Variants in C13orf46 observed in about 807,000 individuals in gnomAD.
C13orf46 encodes the protein uncharacterized protein C13orf46.
chr13:113,943,988 G>A, the C13orf46 span, among the ~76,000 whole-genome samples: 6 of 152,136 alleles, frequency 3.9e-5, no homozygotes, highest in East Asian at 1.9e-4. Flanking sequence ...CCTCTGGCTC[G>A]GGACCTTCAG....
chr13:113,947,072 G>A, the C13orf46 span, among the ~76,000 whole-genome samples: 45 of 152,388 alleles, frequency 3.0e-4, no homozygotes, highest in East Asian at 8.3e-3. Flanking sequence ...GGGGGCTGTC[G>A]TCAGCCTGGC....
Position 113,954,776 on chromosome 13 carries a change from T to G in C13orf46, c.*1997A>C. 1 of 197,810 alleles carries G rather than the reference T, an allele frequency of 5.1e-6. No homozygotes were observed. The highest frequency in any genetic ancestry group is 1.0e-5 in the Non-Finnish European group (1 of 97,378). 12.3% of individuals were successfully genotyped at this position (197,810 alleles called of 1,614,324 possible). A position where few individuals can be genotyped will look rare whatever the true frequency, so the allele number is the denominator to read the frequency against. ...CCAGGGCAGGAAGGGGCTGGAGTCC[T>G]CCAGCTGGTGGAGACGAGGAGCAGC... On this transcript the variant is annotated 3_prime_UTR_variant, in exon 7 of 7. Coordinates refer to ENST00000636427, the MANE Select transcript of C13orf46 (RefSeq NM_001365455.2).
At chr13:113,951,756 G>A (rs967592825), downstream of C13orf46, among the ~76,000 whole-genome samples, 11 of 152,350 alleles carry the variant, frequency 7.2e-5, no homozygotes, top group East Asian at 2.1e-3. Context: ...TTTCAAAGTG[G>A]TTGCCTTTTT....
At chr13:113,970,631 G>GGCTTCCTACCCAGGCTTCCTCTCACGGA (rs2052694274) in intron 1 of C13orf46, among the ~76,000 whole-genome samples, 1 of 152,182 alleles carries the variant, frequency 6.6e-6, no homozygotes, top group Non-Finnish European at 1.5e-5. Flanking sequence ...GCCCATGCCG[G>GGCTTCCTACCCAGGCTTCCTCTCACGGA]CTACTACCCC....
At position 113,967,736 on chromosome 13, in the gene C13orf46, C is replaced by T. The variant is rs948332504; in HGVS notation, c.457-348G>A. On this transcript the variant is annotated intron_variant, in intron 4 of 6. Transcript: ENST00000636427. ...CGGGCCTCCAGGAGATGGGGCAATG[C>T]CCAGATCTTGGGGAGCCGGGCTGCT... Among the ~76,000 whole-genome samples, 235 of 152,302 alleles carry T rather than the reference C, an allele frequency of 1.5e-3. 4 individuals carry two copies. Among genetic ancestry groups the T allele is most frequent in the Non-Finnish European group, 5.7e-4 (39 of 68,008 alleles).
At chr13:113,969,597 A>G (rs1353419060) in intron 2 of C13orf46, among the ~76,000 whole-genome samples, 1 of 152,256 alleles carries the variant, frequency 6.6e-6, no homozygotes, top group Non-Finnish European at 1.5e-5. Flanking sequence ...GGTGCTGGTA[A>G]ATCGACTTTG....
rs1447053766 is a variant in C13orf46, at chr13:113,955,175, GCAT to G, written c.*1595_*1597del. On this transcript the variant is annotated 3_prime_UTR_variant, in exon 7 of 7. Transcript: ENST00000636427. ...GAGGAGCATCTCGAGGAGAGGAGGA[GCAT>G]CTGGTGGAGAGGAGGAGCATCCCGT... 4.7e-6 allele frequency: 1 copy of G among 212,920 alleles called. No homozygotes were observed. Among genetic ancestry groups the G allele is most frequent in the Non-Finnish European group, 9.4e-6 (1 of 106,760 alleles). 13.2% of individuals were successfully genotyped at this position (212,920 alleles called of 1,614,324 possible).
At chr13:113,966,744 A>T (rs2052654333) in intron 5 of C13orf46, among the ~76,000 whole-genome samples, 1 of 151,634 alleles carries the variant, frequency 6.6e-6, no homozygotes, top group Non-Finnish European at 1.5e-5. Flanking sequence ...GATGATGATG[A>T]TGGTTGTGAT....
chr13:113,939,606 T>A, the C13orf46 span, among the ~76,000 whole-genome samples: 1 of 152,214 alleles, frequency 6.6e-6, no homozygotes. Context: ...CGCCTCCTCC[T>A]GGGCTTTGGG....
chr13:113,938,833 C>G, the C13orf46 span, among the ~76,000 whole-genome samples: 4 of 152,192 alleles, frequency 2.6e-5, no homozygotes, highest in African/African-American at 9.7e-5. Flanking sequence ...CCCAGCACGT[C>G]CTTCCAAACA....
At chr13:113,957,095 T>A (rs2052541693) in intron 6 of C13orf46, among the ~76,000 whole-genome samples, 1 of 138,168 alleles carries the variant, frequency 7.2e-6, no homozygotes, top group Non-Finnish European at 1.5e-5. Flanking sequence ...ACTGGGGGGG[T>A]CTCCCCTGCA....
At chr13:113,947,568 C>A in the C13orf46 span, among the ~76,000 whole-genome samples, 1 of 152,110 alleles carries the variant, frequency 6.6e-6, no homozygotes, top group Non-Finnish European at 1.5e-5. Flanking sequence ...TGAGGCTTCA[C>A]AGATGTGAGA....
chr13:113,971,003 C>T (rs1037544368), intron 1 of C13orf46, among the ~76,000 whole-genome samples: 5 of 152,200 alleles, frequency 3.3e-5, no homozygotes, highest in South Asian at 2.1e-4. Flanking sequence ...CTGAGTTCTC[C>T]GTTCCCAGGA....
the C13orf46 span, among the ~76,000 whole-genome samples, chr13:113,937,376 C>CGTTT: frequency 1.3e-5 from 2 of 152,176 alleles, no homozygotes; most frequent in Admixed American, 1.3e-4. Context: ...AGAAGGCAGC[C>CGTTT]GTAAACCCGC....
rs1210466098 is a variant in C13orf46 at position 113,967,343 on chromosome 13, C to T, written c.502G>A (p.Glu168Lys). 6.6e-6 allele frequency: 1 copy of T among 152,258 alleles called. No homozygotes were observed. Among genetic ancestry groups the T allele is most frequent in the East Asian group, 1.9e-4 (1 of 5,190 alleles). 9.4% of individuals were successfully genotyped at this position (152,258 alleles called of 1,614,324 possible). ...VEIDLGDHAE[E>K]VVTDAKKEEK... ...GTCTTGCGGTTTTCCATTTTTACCT[C>T]CTCAGCATGGTCTCCCAGATCAATC... The change falls in exon 5 of 7, where the codon GAG (glutamate) becomes AAG (lysine). Residue 168 changes from glutamate (E) to lysine (K), a missense_variant and splice_region_variant. Transcript: ENST00000636427.
At chr13:113,937,154 T>G in the C13orf46 span, among the ~76,000 whole-genome samples, 1 of 152,222 alleles carries the variant, frequency 6.6e-6, no homozygotes, top group African/African-American at 2.4e-5. Context: ...GGGAGTTGGT[T>G]ACCTCGGGTC....
intron 6 of C13orf46, among the ~76,000 whole-genome samples, chr13:113,957,454 G>T (rs1297500963): frequency 3.7e-5 from 4 of 108,664 alleles, no homozygotes; most frequent in East Asian, 2.8e-4. Flanking sequence ...CACTCTGCCT[G>T]CACCCCCTTT....
chr13:113,947,334 C>T, the C13orf46 span, among the ~76,000 whole-genome samples: 5 of 152,158 alleles, frequency 3.3e-5, no homozygotes, highest in South Asian at 2.1e-4. Flanking sequence ...GGCAGGAGGG[C>T]GGACCAACCT....
chr13:113,952,626 C>T (rs940236709), downstream of C13orf46, among the ~76,000 whole-genome samples: 1 of 152,222 alleles, frequency 6.6e-6, no homozygotes, highest in Admixed American at 6.5e-5. Flanking sequence ...GGACCACTGG[C>T]CGGCCCTAGA....
Sources: gnomAD v4.1 joint callset for allele counts (sites outside exome capture counted in the v4.1 genomes callset) on GRCh38, gnomAD v4.1.1 for gene constraint, MANE v1.5 for transcripts, NCBI Gene and HGNC (gene_info 2026-07-23, HGNC 2026-07-21) for gene names.